BDH1: variants seen among roughly 807,000 people sequenced by gnomAD.
The protein encoded by BDH1 is 3-hydroxybutyrate dehydrogenase 1.
A neutral mutation model predicts 33.1 loss-of-function variants in BDH1; 30 were observed. The observed-to-expected ratio is 0.91, with a 90% CI of 0.68 to 1.23. The LOEUF (loss-of-function observed/expected upper bound fraction) is 1.23, where lower values mean the gene tolerates loss of function less well. BDH1 is among the 50% of genes most tolerant of loss of function. BDH1 has a pLI of 0.00. For synonymous variants in BDH1, 190 were observed against 183.6 expected (o/e 1.03, Z -0.28); for missense variants, 443 against 464.4 (o/e 0.95, Z 0.42).
chr3:197,512,378 C>T lies in BDH1; in HGVS notation c.563-14G>A, dbSNP rs771675343. The T allele has an allele frequency of 6.3e-7, 1 of 1,592,824 alleles. No homozygotes were observed. The highest frequency in any genetic ancestry group is 8.5e-7 in the Non-Finnish European group (1 of 1,173,216). ...TGACGACGCGGCCTACAGAGGGAGA[C>T]AGAGGTACCTGCTAAGCCGTTACTG... is the stretch of plus-strand genomic sequence containing the variant. On this transcript the variant is annotated splice_polypyrimidine_tract_variant and intron_variant, in intron 7 of 7. Coordinates refer to ENST00000392379, the MANE Select transcript of BDH1 (RefSeq NM_203314.3).
chr3:197,511,746 C>A lies in BDH1; in HGVS notation c.*149G>T. ...CAAGTCACTCACTATGCAAAGAAGTCATTCCCTCTAGTTAGTGTTAAAACC... is the reference window on the plus strand; with the variant it reads ...CAAGTCACTCACTATGCAAAGAAGTAATTCCCTCTAGTTAGTGTTAAAACC... On this transcript the variant is annotated 3_prime_UTR_variant, in exon 8 of 8. Transcript: ENST00000392379. The A allele has an allele frequency of 4.0e-6, 3 of 755,830 alleles. No individual in the cohort carries two copies. The highest frequency in any genetic ancestry group is 3.3e-5 in the Admixed American group (1 of 30,088). 46.8% of individuals were successfully genotyped at this position (755,830 alleles called of 1,614,324 possible). A position where few individuals can be genotyped will look rare whatever the true frequency, so the allele number is the denominator to read the frequency against.
intron 1 of BDH1, among the ~76,000 whole-genome samples, chr3:197,564,696 ATAAAT>A (rs1218446977): frequency 5.3e-5 from 8 of 152,226 alleles, no homozygotes; most frequent in Non-Finnish European, 1.5e-5. Flanking sequence ...CAGTTTCTCT[ATAAAT>A]TAATCATTAA....
In BDH1 at chr3:197,522,812, C is replaced by G. The variant is rs761777924; in HGVS notation, c.268-31G>C. On this transcript the variant is annotated intron_variant, in intron 5 of 7. Transcript: ENST00000392379. The surrounding 1 kb of genome is among the most constrained non-coding windows in gnomAD (Gnocchi z 4.8). ...GAGGAGAGAAGAGCTGCTTCTACCTCCTTCCTTCCCACCCTGAGGCAGACC... is the reference window on the plus strand; with the variant it reads ...GAGGAGAGAAGAGCTGCTTCTACCTGCTTCCTTCCCACCCTGAGGCAGACC... The G allele has an allele frequency of 6.2e-7, 1 of 1,609,100 alleles. No individual in the cohort carries two copies. The highest frequency in any genetic ancestry group is 1.7e-5 in the Admixed American group (1 of 59,704).
At chr3:197,529,943 A>T (rs1714488634) in intron 5 of BDH1, 1 of 152,214 alleles carries the variant, frequency 6.6e-6, no homozygotes, top group Admixed American at 6.5e-5. Context: ...CTTCTATAGC[A>T]GTAGAACGCC....
intron 2 of BDH1, among the ~76,000 whole-genome samples, chr3:197,548,987 C>T (rs755110714): frequency 3.3e-5 from 5 of 152,234 alleles, no homozygotes; most frequent in African/African-American, 4.8e-5. Flanking sequence ...CTCCCAAAGA[C>T]TCTTCAGGGT....
At position 197,523,027 on chromosome 3, in the gene BDH1, G is replaced by A. The variant is rs959888858; in HGVS notation, c.268-246C>T. The A allele has an allele frequency of 2.1e-6, 1 of 481,322 alleles. No individual in the cohort carries two copies. The highest frequency in any genetic ancestry group is 3.6e-6 in the Non-Finnish European group (1 of 276,414). The allele number at this position is 481,322 out of a possible 1,614,324, so 29.8% of individuals were successfully genotyped here. A position where few individuals can be genotyped will look rare whatever the true frequency, so the allele number is the denominator to read the frequency against. On this transcript the variant is annotated intron_variant, in intron 5 of 7. Transcript: ENST00000392379. This position sits in a 1 kb window ranked among gnomAD's most constrained non-coding sequence, Gnocchi z 4.5. ...ATAGGATGAAGAGCCGGCCCCCAAGGCCTCAAGACAGGATTCCTTCTCCAA... is the reference window on the plus strand; with the variant it reads ...ATAGGATGAAGAGCCGGCCCCCAAGACCTCAAGACAGGATTCCTTCTCCAA...
chr3:197,538,614 A>G (rs1715349778), intron 3 of BDH1: 2 of 291,780 alleles, frequency 6.9e-6, no homozygotes, highest in Non-Finnish European at 6.8e-6. Flanking sequence ...GGCCTCCCAA[A>G]GTACTGGGAT....
At chr3:197,530,811 G>A (rs951278247) in intron 5 of BDH1, 7 of 152,658 alleles carry the variant, frequency 4.6e-5, no homozygotes, top group African/African-American at 1.7e-4. Context: ...TATTGTTGAT[G>A]TTTTAAAAAA....
chr3:197,514,747 AC>A lies in BDH1; in HGVS notation c.410-332del, dbSNP rs1237949603. ...CAAATTCCCACTTCCACTCCACTCC[AC>A]CCCATCCCATCCCCACACCCTGAGT... On this transcript the variant is annotated intron_variant, in intron 6 of 7. Transcript: ENST00000392379. This position sits in a 1 kb window ranked among gnomAD's most constrained non-coding sequence, Gnocchi z 4.2. Among the ~76,000 whole-genome samples, 1 of 149,868 alleles carries A rather than the reference AC, an allele frequency of 6.7e-6. No homozygotes were observed. The highest frequency in any genetic ancestry group is 1.5e-5 in the Non-Finnish European group (1 of 67,490).
rs1713705778 is a variant in BDH1, at chr3:197,522,838, C to T, written c.268-57G>A. 1 of 1,583,042 alleles carries T rather than the reference C, an allele frequency of 6.3e-7. No homozygotes were observed. Among genetic ancestry groups the T allele is most frequent in the Non-Finnish European group, 8.6e-7 (1 of 1,161,736 alleles). On this transcript the variant is annotated intron_variant, in intron 5 of 7. Coordinates refer to ENST00000392379, the MANE Select transcript of BDH1 (RefSeq NM_203314.3). This position sits in a 1 kb window ranked among gnomAD's most constrained non-coding sequence, Gnocchi z 4.8. ...CTTCCTTCCCACCCTGAGGCAGACC[C>T]TGAGGACTCCTGTCAAGGCAGGAGC...
chr3:197,543,762 G>A (rs1424626888), intron 3 of BDH1, among the ~76,000 whole-genome samples: 1 of 152,204 alleles, frequency 6.6e-6, no homozygotes, highest in Non-Finnish European at 1.5e-5. Flanking sequence ...CTGGATGATA[G>A]TGGGGAAACC....
intron 2 of BDH1, among the ~76,000 whole-genome samples, chr3:197,553,127 C>T (rs901758365): frequency 5.9e-5 from 9 of 151,460 alleles, no homozygotes; most frequent in East Asian, 4.0e-4. Flanking sequence ...CATGTTGGCC[C>T]GGCTGGTCTC....
At chr3:197,535,541 C>G (rs1715078209) in intron 3 of BDH1, among the ~76,000 whole-genome samples, 1 of 152,162 alleles carries the variant, frequency 6.6e-6, no homozygotes, top group Non-Finnish European at 1.5e-5. Flanking sequence ...ATCCATGCAC[C>G]ACGTGGGACA....
intron 2 of BDH1, among the ~76,000 whole-genome samples, chr3:197,550,196 T>C (rs899657884): frequency 1.3e-5 from 2 of 152,114 alleles, no homozygotes; most frequent in Admixed American, 6.5e-5. Context: ...TCAAGTGATA[T>C]AGTAGACAGT....
At chr3:197,539,578 C>T (rs1467950731) in intron 3 of BDH1, among the ~76,000 whole-genome samples, 1 of 152,188 alleles carries the variant, frequency 6.6e-6, no homozygotes, top group African/African-American at 2.4e-5. Flanking sequence ...TATAGCCATG[C>T]AGCTAGAGGC....
intron 1 of BDH1, chr3:197,555,312 C>A: frequency 6.5e-6 from 1 of 152,846 alleles, no homozygotes; most frequent in Non-Finnish European, 1.5e-5. Flanking sequence ...GGGGACAGGG[C>A]CTAGAGCCCG....
chr3:197,533,238 C>G lies in BDH1; in HGVS notation c.156+251G>C, dbSNP rs573642267. Reference sequence around the variant, plus strand: ...TGGGGCTGGGAGTTCTCGCCCCCCACCTAGGCCTCCAGTGATACCTTCCTG... The same window carrying G: ...TGGGGCTGGGAGTTCTCGCCCCCCAGCTAGGCCTCCAGTGATACCTTCCTG... On this transcript the variant is annotated intron_variant, in intron 4 of 7. Transcript: ENST00000392379. Among the ~76,000 whole-genome samples the G allele has an allele frequency of 5.5e-4, 84 of 151,948 alleles. 1 individual carries two copies. The highest frequency in any genetic ancestry group is 1.9e-3 in the African/African-American group (80 of 41,322).
chr3:197,558,133 T>C (rs1055182196), upstream of BDH1, among the ~76,000 whole-genome samples: 6 of 152,256 alleles, frequency 3.9e-5, no homozygotes, highest in Non-Finnish European at 5.9e-5. Context: ...GAGGTTGTAT[T>C]ACACATCTGG....
In BDH1 at chr3:197,510,707, G is replaced by A. The variant is rs1343764741; in HGVS notation, c.*1188C>T. On this transcript the variant is annotated 3_prime_UTR_variant, in exon 8 of 8. Coordinates refer to ENST00000392379, the MANE Select transcript of BDH1 (RefSeq NM_203314.3). The stretch of plus-strand genomic sequence containing the variant: ...AAGGTGTGTGTGTGTGTGTGTGTGT[G>A]TGTGTGTGTGTACATGTGTGTAAGC... 4.1e-5 allele frequency: 5 copies of A among 123,252 alleles called. No homozygotes were observed. Among genetic ancestry groups the A allele is most frequent in the Non-Finnish European group, 5.0e-5 (3 of 60,496 alleles). 7.6% of individuals were successfully genotyped at this position (123,252 alleles called of 1,614,324 possible).
Sources: allele counts gnomAD v4.1 joint callset (sites outside exome capture counted in the v4.1 genomes callset), GRCh38; gene constraint gnomAD v4.1.1; non-coding constraint Gnocchi (gnomAD v3.1); transcripts MANE v1.5; gene names NCBI Gene and HGNC (gene_info 2026-07-23, HGNC 2026-07-21).